The following ELOVL6 variants were observed in gnomAD, a reference collection of about 807,000 sequenced individuals.
The protein encoded by ELOVL6 is ELOVL fatty acid elongase 6, also known as very long chain fatty acid elongase 6.
Under a neutral mutation model 31.7 loss-of-function variants are expected in ELOVL6, and 8 were observed. That is an observed-to-expected ratio of 0.25 (90% CI 0.15 to 0.45). The LOEUF (loss-of-function observed/expected upper bound fraction) is 0.45. Among genes scored for constraint, ELOVL6 ranks in the 20% least tolerant of loss-of-function variants. The pLI is 1.00. For synonymous variants in ELOVL6, 101 were observed against 117.7 expected, an observed-to-expected ratio of 0.86 and a Z score of 0.92; for missense variants, 126 against 326.4, an observed-to-expected ratio of 0.39 and a Z score of 4.73.
chr4:110,078,918 A>G (rs1433429014), intron 2 of ELOVL6, among the ~76,000 whole-genome samples: 1 of 152,184 alleles, frequency 6.6e-6, no homozygotes, highest in Non-Finnish European at 1.5e-5. Context: ...ATGGAAAACA[A>G]AAAAAGGCAG....
chr4:110,110,147 G>GA (rs1756991964), intron 1 of ELOVL6, among the ~76,000 whole-genome samples: 3 of 152,178 alleles, frequency 2.0e-5, no homozygotes, highest in Admixed American at 2.0e-4. Context: ...TTATGGTTCT[G>GA]AAAGTGATTT....
chr4:110,124,169 A>G (rs573828523), intron 1 of ELOVL6, among the ~76,000 whole-genome samples: 32 of 152,240 alleles, frequency 2.1e-4, no homozygotes, highest in Non-Finnish European at 4.1e-4. Flanking sequence ...AACCAGAAAT[A>G]CCATTTGACC....
chr4:110,092,038 AC>A (rs950451959), intron 2 of ELOVL6, among the ~76,000 whole-genome samples: 2 of 152,222 alleles, frequency 1.3e-5, no homozygotes, highest in African/African-American at 4.8e-5. Context: ...AAGGGATCAA[AC>A]AGTCAGCACC....
At chr4:110,164,761 A>G (rs139455630) in intron 1 of ELOVL6, among the ~76,000 whole-genome samples, 5,933 of 151,496 alleles carry the variant, frequency 0.039, 192 homozygotes, top group East Asian at 0.16. Flanking sequence ...AAAAAGAAAA[A>G]AAAAAAAACA....
At chr4:110,100,116 T>C (rs1279296275) in intron 2 of ELOVL6, among the ~76,000 whole-genome samples, 1 of 152,148 alleles carries the variant, frequency 6.6e-6, no homozygotes, top group Non-Finnish European at 1.5e-5. Context: ...TAGGTGGAAG[T>C]TGGTCACTAT....
intron 2 of ELOVL6, among the ~76,000 whole-genome samples, chr4:110,076,796 A>C (rs1425433312): frequency 6.6e-6 from 1 of 152,234 alleles, no homozygotes; most frequent in African/African-American, 2.4e-5. Context: ...GCATAACCTC[A>C]CCCAGGAAGC....
intron 1 of ELOVL6, among the ~76,000 whole-genome samples, chr4:110,161,384 G>A (rs1758626232): frequency 6.6e-6 from 1 of 152,074 alleles, no homozygotes; most frequent in South Asian, 2.1e-4. Context: ...TCCTACTTAT[G>A]AAAATTTAAC....
chr4:110,189,791 A>AC (rs1174885647), intron 1 of ELOVL6, among the ~76,000 whole-genome samples: 1 of 151,676 alleles, frequency 6.6e-6, no homozygotes, highest in African/African-American at 2.4e-5. Flanking sequence ...ACACAGTGAA[A>AC]CCCCGTCTCT....
intron 1 of ELOVL6, among the ~76,000 whole-genome samples, chr4:110,142,128 T>C (rs1385618880): frequency 1.4e-5 from 2 of 137,976 alleles, no homozygotes; most frequent in African/African-American, 2.8e-5. Flanking sequence ...TGGAGTGCAG[T>C]GGTGTGATCT....
intron 2 of ELOVL6, among the ~76,000 whole-genome samples, chr4:110,074,442 T>C (rs1755574329): frequency 6.6e-6 from 1 of 152,188 alleles, no homozygotes; most frequent in South Asian, 2.1e-4. Context: ...AATTATTTAT[T>C]CAAGCAATAT....
intron 3 of ELOVL6, among the ~76,000 whole-genome samples, chr4:110,055,810 T>C (rs953936214): frequency 6.6e-6 from 1 of 152,192 alleles, no homozygotes; most frequent in Admixed American, 6.5e-5. Context: ...CGGGTTTTAA[T>C]ATAATCCAAA....
At chr4:110,099,332 G>T (rs568141045) in intron 2 of ELOVL6, among the ~76,000 whole-genome samples, 1 of 152,094 alleles carries the variant, frequency 6.6e-6, no homozygotes, top group South Asian at 2.1e-4. Context: ...GAAAAAAAGA[G>T]AATAATTTTC....
At chr4:110,171,679 C>CTTTTTTTTT (rs70956406) in intron 1 of ELOVL6, among the ~76,000 whole-genome samples, 2 of 66,194 alleles carry the variant, frequency 3.0e-5, no homozygotes, top group African/African-American at 1.1e-4. Flanking sequence ...ATAATATCCT[C>CTTTTTTTTT]TTTTTTTTTT....
At chr4:110,084,525 T>C (rs1159861879) in intron 2 of ELOVL6, among the ~76,000 whole-genome samples, 5 of 90,620 alleles carry the variant, frequency 5.5e-5, no homozygotes, top group African/African-American at 2.7e-4. Context: ...ATACATTATA[T>C]ACACTTACAC....
At chr4:110,171,489 T>C (rs115269879) in intron 1 of ELOVL6, among the ~76,000 whole-genome samples, 6,572 of 151,962 alleles carry the variant, frequency 0.043, 216 homozygotes, top group South Asian at 0.12. Flanking sequence ...CATTTCTGCA[T>C]GGTTGTCAAT....
At chr4:110,157,666 G>A (rs1292854304) in intron 1 of ELOVL6, among the ~76,000 whole-genome samples, 5 of 148,020 alleles carry the variant, frequency 3.4e-5, no homozygotes, top group East Asian at 4.0e-4. Flanking sequence ...GCAAGGCTCC[G>A]TCTCAAAAAA....
intron 1 of ELOVL6, among the ~76,000 whole-genome samples, chr4:110,136,389 C>T (rs73841816): frequency 0.027 from 4,121 of 152,186 alleles, 177 homozygotes; most frequent in African/African-American, 0.086. Flanking sequence ...CTATATTGAA[C>T]GCCTTATTTA....
In ELOVL6 at chr4:110,145,011, G is replaced by A. The variant is rs1027322183; in HGVS notation, c.90-39383C>T. Among the ~76,000 whole-genome samples, 18 of 152,110 alleles carry A rather than the reference G, an allele frequency of 1.2e-4. No homozygotes were observed. In the East Asian group the frequency reaches 3.5e-3, roughly 30 times the overall value. The stretch of plus-strand genomic sequence containing the variant: ...CATGTTAACATCCTCATCAGAGTCT[G>A]ATAAGGCTGGTATCCAGCAGGATAC... On this transcript the variant is annotated intron_variant, in intron 1 of 3. Coordinates refer to ENST00000302274, the MANE Select transcript of ELOVL6 (RefSeq NM_024090.3).
chr4:110,103,364 A>T (rs718815), intron 2 of ELOVL6, among the ~76,000 whole-genome samples: 1 of 151,598 alleles, frequency 6.6e-6, no homozygotes, highest in Non-Finnish European at 1.5e-5. Context: ...CATCAAAATC[A>T]TATCTCAAAA....
Sources: allele counts gnomAD v4.1 joint callset (sites outside exome capture counted in the v4.1 genomes callset), GRCh38; gene constraint gnomAD v4.1.1; transcripts MANE v1.5; gene names NCBI Gene and HGNC (gene_info 2026-07-23, HGNC 2026-07-21).